Variants in RBM20 observed in about 807,000 individuals in gnomAD.
The protein encoded by RBM20 is RNA-binding protein 20.
RBM20 carries 51 observed loss-of-function variants against 110.1 expected under a neutral mutation model. That is an observed-to-expected ratio of 0.46 (90% CI 0.37 to 0.59). RBM20 has a LOEUF of 0.59. Among genes scored for constraint, RBM20 ranks in the 20% least tolerant of loss-of-function variants. RBM20 has a pLI of 0.00. For missense variants in RBM20, 1,512 were observed against 1,574.9 expected (o/e 0.96, Z 0.68); for synonymous variants, 589 against 618.2 (o/e 0.95, Z 0.70).
At chr10:110,680,581 G>C (rs908285268) in intron 1 of RBM20, among the ~76,000 whole-genome samples, 16 of 152,230 alleles carry the variant, frequency 1.1e-4, no homozygotes, top group African/African-American at 3.4e-4. Context: ...TTTGCCAAGG[G>C]TGTTTGGCTA....
intron 1 of RBM20, among the ~76,000 whole-genome samples, chr10:110,768,446 AATAGTT>A (rs1844140136): frequency 6.6e-6 from 1 of 152,224 alleles, no homozygotes. Flanking sequence ...TTTCTCAATA[AATAGTT>A]ATATGGCTTA....
chr10:110,686,931 C>T (rs1033670931), intron 1 of RBM20, among the ~76,000 whole-genome samples: 4 of 150,766 alleles, frequency 2.7e-5, no homozygotes, highest in Admixed American at 1.3e-4. Context: ...CCCAGCTACT[C>T]GAGAGGCTGA....
intron 1 of RBM20, among the ~76,000 whole-genome samples, chr10:110,696,237 G>T (rs1471468819): frequency 1.3e-5 from 2 of 152,226 alleles, no homozygotes; most frequent in African/African-American, 4.8e-5. Context: ...GGTTGCAAGA[G>T]AATCGCATTT....
At chr10:110,715,987 G>C (rs1239597087) in intron 1 of RBM20, among the ~76,000 whole-genome samples, 2 of 152,184 alleles carry the variant, frequency 1.3e-5, no homozygotes, top group Non-Finnish European at 2.9e-5. Flanking sequence ...CTCTCCACAA[G>C]CTTTTGATTA....
intron 1 of RBM20, among the ~76,000 whole-genome samples, chr10:110,653,996 T>C (rs1861986363): frequency 6.6e-6 from 1 of 152,222 alleles, no homozygotes; most frequent in African/African-American, 2.4e-5. Flanking sequence ...GTTAAACATT[T>C]TGGCAAAGAT....
intron 9 of RBM20, among the ~76,000 whole-genome samples, chr10:110,816,909 A>G (rs1043933840): frequency 6.6e-6 from 1 of 152,236 alleles, no homozygotes; most frequent in Non-Finnish European, 1.5e-5. Context: ...GCTCATTAAA[A>G]TATCCTGAGC....
intron 1 of RBM20, among the ~76,000 whole-genome samples, chr10:110,654,565 G>C (rs1861994644): frequency 6.6e-6 from 1 of 151,604 alleles, no homozygotes; most frequent in South Asian, 2.1e-4. Flanking sequence ...GTATGAAGCA[G>C]GCTTTAAAAA....
intron 9 of RBM20, among the ~76,000 whole-genome samples, chr10:110,818,485 G>T (rs963056904): frequency 2.0e-5 from 3 of 152,148 alleles, no homozygotes; most frequent in Non-Finnish European, 4.4e-5. Flanking sequence ...AACAGTTGGC[G>T]TTTCAGTCTC....
intron 1 of RBM20, among the ~76,000 whole-genome samples, chr10:110,679,153 AG>A (rs1167664396): frequency 6.6e-6 from 1 of 152,230 alleles, no homozygotes; most frequent in Non-Finnish European, 1.5e-5. Flanking sequence ...GGCTGTATAA[AG>A]TGATTAGCAC....
In RBM20 at chr10:110,774,739, T is replaced by C. The variant is rs553100906; in HGVS notation, c.192-6062T>C. 5.3e-5 allele frequency among the ~76,000 whole-genome samples: 8 copies of C among 152,336 alleles called. No individual in the cohort carries two copies. In the East Asian group the frequency reaches 1.3e-3, roughly 26 times the overall value. On this transcript the variant is annotated intron_variant, in intron 1 of 13. Coordinates refer to ENST00000369519, the MANE Select transcript of RBM20 (RefSeq NM_001134363.3). The stretch of plus-strand genomic sequence containing the variant: ...AGAATGAGTGAGTTAAACTAAATTG[T>C]CTGTAAGGCCTCAGCTCACTCTTAA...
chr10:110,762,117 T>A (rs1484457677), intron 1 of RBM20, among the ~76,000 whole-genome samples: 1 of 152,232 alleles, frequency 6.6e-6, no homozygotes, highest in Non-Finnish European at 1.5e-5. Context: ...AAACATTGTT[T>A]CAAATAACCA....
At chr10:110,761,812 G>A (rs1426920463) in intron 1 of RBM20, among the ~76,000 whole-genome samples, 3 of 152,204 alleles carry the variant, frequency 2.0e-5, no homozygotes, top group Non-Finnish European at 2.9e-5. Context: ...GAGACCCATA[G>A]TATCATAATA....
chr10:110,746,073 C>T (rs562473859), intron 1 of RBM20, among the ~76,000 whole-genome samples: 14 of 152,246 alleles, frequency 9.2e-5, no homozygotes, highest in Non-Finnish European at 1.5e-4. Flanking sequence ...CTCATCACCA[C>T]GTTTGGTAGC....
Position 110,644,746 on chromosome 10 carries a change from GC to G in RBM20, c.191+107del. The G allele has an allele frequency of 1.1e-6, 1 of 921,784 alleles. No individual in the cohort carries two copies. Among genetic ancestry groups the G allele is most frequent in the Non-Finnish European group, 1.5e-6 (1 of 653,958 alleles). The allele number at this position is 921,784 out of a possible 1,614,324, so 57.1% of individuals were successfully genotyped here. A position where few individuals can be genotyped will look rare whatever the true frequency, so the allele number is the denominator to read the frequency against. ...TTCCCGTCCCTGCTGAACTTCGCTC[GC>G]CCCCCTTGGGTTTGAAGTTTTCTCG... is the stretch of plus-strand genomic sequence containing the variant. On this transcript the variant is annotated intron_variant, in intron 1 of 13. Coordinates refer to ENST00000369519, the MANE Select transcript of RBM20 (RefSeq NM_001134363.3). This position sits in a 1 kb window ranked among gnomAD's most constrained non-coding sequence, Gnocchi z 4.3.
In RBM20 at chr10:110,811,363, A is replaced by G. The variant is rs141368122; in HGVS notation, c.1880+901A>G. 6.5e-3 allele frequency among the ~76,000 whole-genome samples: 987 copies of G among 152,352 alleles called. 11 individuals carry two copies. The highest frequency in any genetic ancestry group is 0.023 in the African/African-American group (939 of 41,582). ...GATATATGACTCAGTTGACCTGCTT[A>G]ATAACCAAACAGCCTTCAGAGTGTA... On this transcript the variant is annotated intron_variant, in intron 8 of 13. Coordinates refer to ENST00000369519, the MANE Select transcript of RBM20 (RefSeq NM_001134363.3).
At chr10:110,785,886 G>T (rs1294154544) in intron 5 of RBM20, among the ~76,000 whole-genome samples, 1 of 152,158 alleles carries the variant, frequency 6.6e-6, no homozygotes, top group Non-Finnish European at 1.5e-5. Flanking sequence ...CTATGAGAGG[G>T]TAATTTTGAA....
chr10:110,729,892 T>C (rs1294354700), intron 1 of RBM20, among the ~76,000 whole-genome samples: 3 of 152,226 alleles, frequency 2.0e-5, no homozygotes, highest in Non-Finnish European at 4.4e-5. Flanking sequence ...CTCGGCTCAC[T>C]GCGACCTACG....
At chr10:110,698,220 A>G (rs896486326) in intron 1 of RBM20, among the ~76,000 whole-genome samples, 11 of 150,770 alleles carry the variant, frequency 7.3e-5, no homozygotes, top group African/African-American at 2.2e-4. Flanking sequence ...TGTTTCTTAT[A>G]TTAGTTATCA....
chr10:110,662,572 A>G (rs1022597472), intron 1 of RBM20, among the ~76,000 whole-genome samples: 3 of 152,268 alleles, frequency 2.0e-5, no homozygotes, highest in Non-Finnish European at 4.4e-5. Flanking sequence ...GGTAGGGAAC[A>G]TGAAATGATA....
Sources: allele counts gnomAD v4.1 joint callset (sites outside exome capture counted in the v4.1 genomes callset), GRCh38; gene constraint gnomAD v4.1.1; non-coding constraint Gnocchi (gnomAD v3.1); transcripts MANE v1.5; gene names NCBI Gene and HGNC (gene_info 2026-07-23, HGNC 2026-07-21).